ZNF804A: variants seen among roughly 807,000 people sequenced by gnomAD.
ZNF804A encodes the protein zinc finger protein 804A.
ZNF804A carries 2 observed loss-of-function variants against 16.5 expected under a neutral mutation model. The ratio of observed to expected loss-of-function variants is 0.12; its 90% CI spans 0.05 to 0.38. The LOEUF (loss-of-function observed/expected upper bound fraction) is 0.38, where lower values mean the gene tolerates loss of function less well. Among genes scored for constraint, ZNF804A ranks in the 10% least tolerant of loss-of-function variants. The probability of loss-of-function intolerance (pLI) is 0.99; values close to 1 mark genes in which losing one functional copy is unlikely to be tolerated. For missense variants in ZNF804A, 1,473 were observed against 1,390.7 expected (o/e 1.06, Z -0.94); for synonymous variants, 534 against 489.6 (o/e 1.09, Z -1.20).
chr2:184,890,336 G>A (rs1684961292), intron 2 of ZNF804A, among the ~76,000 whole-genome samples: 1 of 152,090 alleles, frequency 6.6e-6, no homozygotes, highest in African/African-American at 2.4e-5. Context: ...CATTGCTGTG[G>A]GCTGCAGAAG....
intron 1 of ZNF804A, among the ~76,000 whole-genome samples, chr2:184,760,766 T>C (rs1448896268): frequency 1.3e-5 from 2 of 152,056 alleles, no homozygotes; most frequent in Non-Finnish European, 2.9e-5. Flanking sequence ...TCTAGAATAA[T>C]TTGTTTGCTA....
At chr2:184,798,114 T>A (rs934807511) in intron 1 of ZNF804A, among the ~76,000 whole-genome samples, 3 of 151,650 alleles carry the variant, frequency 2.0e-5, no homozygotes, top group Non-Finnish European at 4.4e-5. Flanking sequence ...CTGCTTTTAA[T>A]CTGATAGTCT....
chr2:184,630,349 T>C (rs1425705133), intron 1 of ZNF804A, among the ~76,000 whole-genome samples: 1 of 152,148 alleles, frequency 6.6e-6, no homozygotes, highest in African/African-American at 2.4e-5. Flanking sequence ...AGCCAGGATG[T>C]CTCCTGGCTC....
intron 2 of ZNF804A, among the ~76,000 whole-genome samples, chr2:184,909,660 T>C (rs1685327137): frequency 6.6e-6 from 1 of 152,074 alleles, no homozygotes; most frequent in African/African-American, 2.4e-5. Flanking sequence ...ATTTACAAGA[T>C]AAATTCACCT....
At chr2:184,835,427 G>C (rs1232002313) in intron 1 of ZNF804A, among the ~76,000 whole-genome samples, 1 of 152,106 alleles carries the variant, frequency 6.6e-6, no homozygotes, top group Middle Eastern at 3.2e-3. Context: ...CCAGTGGTTG[G>C]AAAGGGGCAG....
chr2:184,719,251 C>T (rs1343531178), intron 1 of ZNF804A, among the ~76,000 whole-genome samples: 4 of 152,106 alleles, frequency 2.6e-5, no homozygotes, highest in African/African-American at 7.2e-5. Flanking sequence ...AGACTGCACA[C>T]AGCAGAGGGA....
chr2:184,643,177 A>G (rs1691818601), intron 1 of ZNF804A, among the ~76,000 whole-genome samples: 1 of 152,062 alleles, frequency 6.6e-6, no homozygotes, highest in Admixed American at 6.5e-5. Context: ...CATGCATTTA[A>G]TAAATATTTA....
Position 184,938,158 on chromosome 2 carries a change from C to A in ZNF804A, c.2762C>A (p.Ala921Asp), listed in dbSNP as rs761272019. The change falls in exon 4 of 4, where the codon GCT (alanine) becomes GAT (aspartate). Residue 921 changes from alanine (A) to aspartate (D), a missense_variant. Ala to Asp is a moderately radical substitution (Grantham distance 126). Coordinates refer to ENST00000302277, the MANE Select transcript of ZNF804A (RefSeq NM_194250.2). ...GATCCCACCACATCTGTCTGTGTAG[C>A]TAGTGCCCCAACAAAAGAAGCAATT... is the stretch of plus-strand genomic sequence containing the variant. ...SNDPTTSVCVASAPTKEAIDN... is the reference protein window; with the variant it reads ...SNDPTTSVCVDSAPTKEAIDN... 6 of 1,614,004 alleles carry A rather than the reference C, an allele frequency of 3.7e-6. No individual in the cohort carries two copies. Among genetic ancestry groups the A allele is most frequent in the Non-Finnish European group, 5.1e-6 (6 of 1,180,036 alleles).
At chr2:184,604,475 A>T (rs927148235) in intron 1 of ZNF804A, among the ~76,000 whole-genome samples, 4 of 152,050 alleles carry the variant, frequency 2.6e-5, no homozygotes, top group African/African-American at 9.7e-5. Context: ...GCTCGGCCAC[A>T]TTTTTAATGA....
At chr2:184,723,241 A>G (rs932805440) in intron 1 of ZNF804A, among the ~76,000 whole-genome samples, 3 of 151,854 alleles carry the variant, frequency 2.0e-5, no homozygotes, top group African/African-American at 7.2e-5. Flanking sequence ...AGAAAGGTTT[A>G]TATGATAGAA....
chr2:184,722,984 T>G (rs1290321199), intron 1 of ZNF804A, among the ~76,000 whole-genome samples: 1 of 151,934 alleles, frequency 6.6e-6, no homozygotes, highest in East Asian at 1.9e-4. Flanking sequence ...TCATCCAATT[T>G]AAGAATATAT....
intron 1 of ZNF804A, among the ~76,000 whole-genome samples, chr2:184,785,117 A>G (rs1454806248): frequency 1.3e-5 from 2 of 152,006 alleles, no homozygotes; most frequent in East Asian, 1.9e-4. Flanking sequence ...CAAGGTTGCT[A>G]TCTTAGGGTT....
chr2:184,615,247 G>A (rs1181053229), intron 1 of ZNF804A, among the ~76,000 whole-genome samples: 1 of 152,186 alleles, frequency 6.6e-6, no homozygotes, highest in Non-Finnish European at 1.5e-5. Context: ...GGATATGGAT[G>A]AAGCTGGAAA....
chr2:184,658,187 GT>G (rs905373013), intron 1 of ZNF804A, among the ~76,000 whole-genome samples: 14 of 152,182 alleles, frequency 9.2e-5, no homozygotes, highest in South Asian at 2.1e-4. Context: ...ACACTGAGAA[GT>G]TTTTTTCCCC....
chr2:184,855,621 C>T (rs1038405761), intron 1 of ZNF804A, among the ~76,000 whole-genome samples: 13 of 151,570 alleles, frequency 8.6e-5, no homozygotes, highest in Admixed American at 5.3e-4. Context: ...TATATACACA[C>T]ACACACACAC....
At chr2:184,868,288 C>T (rs560746748) in intron 2 of ZNF804A, among the ~76,000 whole-genome samples, 111 of 152,134 alleles carry the variant, frequency 7.3e-4, no homozygotes, top group Non-Finnish European at 1.1e-3. Context: ...TCTTTTATGC[C>T]TTCCCCGTAA....
chr2:184,783,576 T>C (rs567324008), intron 1 of ZNF804A, among the ~76,000 whole-genome samples: 6 of 151,964 alleles, frequency 3.9e-5, no homozygotes, highest in Non-Finnish European at 8.8e-5. Context: ...CAGTCACTTT[T>C]CTCTGGCACT....
chr2:184,786,033 T>C (rs968701823), intron 1 of ZNF804A, among the ~76,000 whole-genome samples: 1 of 151,956 alleles, frequency 6.6e-6, no homozygotes, highest in African/African-American at 2.4e-5. Flanking sequence ...AAATTCCCAG[T>C]GTATGAAAAT....
intron 1 of ZNF804A, among the ~76,000 whole-genome samples, chr2:184,772,872 T>G (rs1270077198): frequency 1.3e-5 from 2 of 150,586 alleles, no homozygotes; most frequent in Non-Finnish European, 3.0e-5. Context: ...AGTTTTCATT[T>G]GCTTTACCCT....
Sources: gnomAD v4.1 joint callset for allele counts (sites outside exome capture counted in the v4.1 genomes callset) on GRCh38, gnomAD v4.1.1 for gene constraint, MANE v1.5 for transcripts, NCBI Gene and HGNC (gene_info 2026-07-23, HGNC 2026-07-21) for gene names.